The following PMEPA1 variants were observed in gnomAD, a reference collection of about 807,000 sequenced individuals.
PMEPA1 encodes prostate transmembrane protein, androgen induced 1.
PMEPA1 carries 11 observed loss-of-function variants against 23.0 expected under a neutral mutation model. That is an observed-to-expected ratio of 0.48 (90% CI 0.30 to 0.79). The LOEUF is 0.79. Among genes scored for constraint, PMEPA1 ranks in the 30% least tolerant of loss-of-function variants. The pLI, the probability that PMEPA1 is intolerant of heterozygous loss-of-function variation, is 0.06. For missense variants in PMEPA1, 377 were observed against 390.9 expected (o/e 0.96, Z 0.30); for synonymous variants, 204 against 166.4 (o/e 1.23, Z -1.74).
At chr20:57,691,071 A>C (rs191001594) in intron 1 of PMEPA1, among the ~76,000 whole-genome samples, 3 of 152,192 alleles carry the variant, frequency 2.0e-5, no homozygotes, top group African/African-American at 7.2e-5. Context: ...GCTGTTCTAC[A>C]GTCATTGGTT....
At chr20:57,695,525 C>T (rs983300626) in intron 1 of PMEPA1, among the ~76,000 whole-genome samples, 3 of 152,238 alleles carry the variant, frequency 2.0e-5, no homozygotes, top group Non-Finnish European at 2.9e-5. Context: ...CCTGGCCCGG[C>T]GCAGCGGCTC....
chr20:57,678,156 A>C (rs1461721107), intron 1 of PMEPA1, among the ~76,000 whole-genome samples: 1 of 152,120 alleles, frequency 6.6e-6, no homozygotes. Context: ...TGAACGAAAC[A>C]CACACACAGA....
At chr20:57,690,292 G>A (rs1339108225) in intron 1 of PMEPA1, 4 of 578,920 alleles carry the variant, frequency 6.9e-6, no homozygotes, top group Middle Eastern at 6.1e-4. Context: ...ACCCGGGGGG[G>A]CCGGGCCCAG....
chr20:57,692,380 G>C (rs12625016), intron 1 of PMEPA1, among the ~76,000 whole-genome samples: 38,166 of 152,234 alleles, frequency 0.25, 6,204 homozygotes, highest in East Asian at 0.54. Context: ...GAGTCATGGG[G>C]GCAGGTGAGC....
rs1040153721 is a variant in PMEPA1, at chr20:57,648,863, T to C, written c.*3190A>G. The C allele has an allele frequency of 2.6e-5, 4 of 152,162 alleles. No homozygotes were observed. The highest frequency in any genetic ancestry group is 5.9e-5 in the Non-Finnish European group (4 of 68,036). 9.4% of individuals were successfully genotyped at this position (152,162 alleles called of 1,614,324 possible). A position where few individuals can be genotyped will look rare whatever the true frequency, so the allele number is the denominator to read the frequency against. On this transcript the variant is annotated 3_prime_UTR_variant, in exon 4 of 4. Transcript: ENST00000341744. The stretch of plus-strand genomic sequence containing the variant: ...AAATTTCTCTGAAACGTACAATTCA[T>C]AGGGACGACCAATGAGGACAGGGAA...
intron 2 of PMEPA1, 91 bp from the exon 3 acceptor site, chr20:57,653,177 C>T: frequency 9.3e-7 from 1 of 1,074,238 alleles, no homozygotes. Context: ...AGGCCTTTAC[C>T]CTGGAATCAG....
upstream of PMEPA1, chr20:57,710,280 G>T: frequency 3.0e-6 from 2 of 656,168 alleles, no homozygotes; most frequent in Non-Finnish European, 2.4e-6. Flanking sequence ...GGGCCGGGGA[G>T]CCGAACTCGG....
Position 57,709,737 on chromosome 20 carries a change from G to C in PMEPA1, c.-155C>G. Reference sequence around the variant, plus strand: ...GGGCTCGGGTCGCCGCCAAGTTCCCGGGGCGCCGCGGGGCTCAGTGCGCGG... The same window carrying C: ...GGGCTCGGGTCGCCGCCAAGTTCCCCGGGCGCCGCGGGGCTCAGTGCGCGG... On this transcript the variant is annotated 5_prime_UTR_variant, in exon 1 of 4. Coordinates refer to ENST00000341744, the MANE Select transcript of PMEPA1 (RefSeq NM_020182.5). 2 of 979,422 alleles carry C rather than the reference G, an allele frequency of 2.0e-6. No homozygotes were observed. Among genetic ancestry groups the C allele is most frequent in the South Asian group, 9.4e-5 (2 of 21,382 alleles). 60.7% of individuals were successfully genotyped at this position (979,422 alleles called of 1,614,324 possible).
At chr20:57,710,612 C>T, upstream of PMEPA1, 1 of 752,948 alleles carries the variant, frequency 1.3e-6, no homozygotes, top group South Asian at 2.0e-5. Context: ...AAGCCCTTGT[C>T]ATGTAAATAG....
intron 1 of PMEPA1, among the ~76,000 whole-genome samples, chr20:57,667,761 A>C (rs1208255510): frequency 6.6e-6 from 1 of 152,182 alleles, no homozygotes; most frequent in Non-Finnish European, 1.5e-5. Flanking sequence ...CATTCTGCAG[A>C]GCCCCAGCGG....
rs1374557164 is a variant in PMEPA1, at chr20:57,683,540, T to A, written c.110-23843A>T. Among the ~76,000 whole-genome samples the A allele has an allele frequency of 7.2e-6, 1 of 138,714 alleles. No homozygotes were observed. Among genetic ancestry groups the A allele is most frequent in the African/African-American group, 2.8e-5 (1 of 36,206 alleles). 91.0% of individuals were successfully genotyped at this position (138,714 alleles called of 152,430 possible). A position where few individuals can be genotyped will look rare whatever the true frequency, so the allele number is the denominator to read the frequency against. The stretch of plus-strand genomic sequence containing the variant: ...TTACTATACTAACTCGGTGGTGGTG[T>A]TCTGGCCTGTGTGCGTGTGTGTGTG... On this transcript the variant is annotated intron_variant, in intron 1 of 3. Coordinates refer to ENST00000341744, the MANE Select transcript of PMEPA1 (RefSeq NM_020182.5). The surrounding 1 kb of genome is among the most constrained non-coding windows in gnomAD (Gnocchi z 4.3).
At position 57,701,686 on chromosome 20, in the gene PMEPA1, C is replaced by G. The variant is rs560247864; in HGVS notation, c.109+7788G>C. 5.9e-5 allele frequency among the ~76,000 whole-genome samples: 9 copies of G among 152,286 alleles called. No homozygotes were observed. The East Asian group carries it at 1.7e-3, about 29-fold the overall frequency. On this transcript the variant is annotated intron_variant, in intron 1 of 3. Transcript: ENST00000341744. Reference sequence around the variant, plus strand: ...TAACGGTCCTGACAACCCCATAGAACAGATGTCATTCTTCCTTCCACCTCA... The same window carrying G: ...TAACGGTCCTGACAACCCCATAGAAGAGATGTCATTCTTCCTTCCACCTCA...
At chr20:57,660,668 ACAT>A (rs1328882078) in intron 1 of PMEPA1, among the ~76,000 whole-genome samples, 1 of 141,152 alleles carries the variant, frequency 7.1e-6, no homozygotes, top group Non-Finnish European at 1.5e-5. Context: ...TCCTACACAC[ACAT>A]CAACACCAAC....
chr20:57,668,071 T>C (rs1402465419), intron 1 of PMEPA1, among the ~76,000 whole-genome samples: 2 of 152,204 alleles, frequency 1.3e-5, no homozygotes, highest in African/African-American at 4.8e-5. Context: ...AAAACCAGAC[T>C]GTACTGCTTT....
At chr20:57,688,423 G>C (rs2071830720) in intron 1 of PMEPA1, among the ~76,000 whole-genome samples, 1 of 152,120 alleles carries the variant, frequency 6.6e-6, no homozygotes, top group Admixed American at 6.5e-5. Flanking sequence ...CGCCTACGGG[G>C]TAGGCACTTC....
intron 1 of PMEPA1, 90 bp from the exon 2 acceptor site, chr20:57,659,787 T>A (rs959817221): frequency 4.7e-6 from 6 of 1,264,742 alleles, no homozygotes; most frequent in Non-Finnish European, 6.6e-6. Flanking sequence ...TTCACCCACC[T>A]AGGGGGACGA....
chr20:57,710,173 C>G (rs574307721), upstream of PMEPA1: 38 of 548,566 alleles, frequency 6.9e-5, no homozygotes, highest in African/African-American at 6.5e-4. Flanking sequence ...CAGAGCTAGG[C>G]GGCCCACGTA....
intron 1 of PMEPA1, among the ~76,000 whole-genome samples, chr20:57,703,573 C>T (rs1214755507): frequency 3.3e-5 from 5 of 152,280 alleles, no homozygotes; most frequent in African/African-American, 7.2e-5. Context: ...GGGCCAGCAA[C>T]GGGCATGCTG....
chr20:57,700,245 C>T (rs980405275), intron 1 of PMEPA1: 1 of 434,888 alleles, frequency 2.3e-6, no homozygotes, highest in Admixed American at 2.6e-5. Context: ...CAGGCCCATG[C>T]TTTACCGAAC....
Sources: allele counts gnomAD v4.1 joint callset (sites outside exome capture counted in the v4.1 genomes callset), GRCh38; gene constraint gnomAD v4.1.1; non-coding constraint Gnocchi (gnomAD v3.1); transcripts MANE v1.5; gene names NCBI Gene and HGNC (gene_info 2026-07-23, HGNC 2026-07-21).